The following SLC14A2 variants were observed in gnomAD, a reference collection of about 807,000 sequenced individuals.
SLC14A2 encodes solute carrier family 14 member 2, also known as urea transporter 2.
SLC14A2 carries 91 observed loss-of-function variants against 104.6 expected under a neutral mutation model. That is an observed-to-expected ratio of 0.87 (90% CI 0.73 to 1.04). SLC14A2 has a LOEUF of 1.04. SLC14A2 is among the 50% of genes least tolerant of loss of function. The pLI, the probability that SLC14A2 is intolerant of heterozygous loss-of-function variation, is 0.00. For synonymous variants in SLC14A2, 476 were observed against 466.4 expected (o/e 1.02, Z -0.27); for missense variants, 1,189 against 1,156.0 (o/e 1.03, Z -0.41).
intron 1 of SLC14A2, among the ~76,000 whole-genome samples, chr18:45,373,716 G>A (rs2085745643): frequency 6.6e-6 from 1 of 152,194 alleles, no homozygotes; most frequent in Admixed American, 6.6e-5. Context: ...AGAGTATAGT[G>A]TAGTGGTTAA....
At chr18:45,242,087 G>A (rs571060745) in intron 1 of SLC14A2, among the ~76,000 whole-genome samples, 3 of 152,266 alleles carry the variant, frequency 2.0e-5, no homozygotes, top group South Asian at 4.2e-4. Flanking sequence ...AAAGCCAAAA[G>A]CAGCTGGCAT....
chr18:45,565,898 G>A (rs2044259539), intron 2 of SLC14A2, among the ~76,000 whole-genome samples: 1 of 152,182 alleles, frequency 6.6e-6, no homozygotes, highest in Non-Finnish European at 1.5e-5. Flanking sequence ...AAGTTGCCTT[G>A]CCCTTTTACG....
chr18:45,618,618 G>A (rs550681569), intron 1 of SLC14A2, among the ~76,000 whole-genome samples: 6 of 136,210 alleles, frequency 4.4e-5, no homozygotes, highest in Non-Finnish European at 6.1e-5. Context: ...GTAGTGAGCC[G>A]AGATTGCACC....
chr18:45,374,609 T>C (rs1568172407), intron 1 of SLC14A2, among the ~76,000 whole-genome samples: 1 of 151,214 alleles, frequency 6.6e-6, no homozygotes. Context: ...CCAAGTTTAC[T>C]GTGCTATTAG....
At chr18:45,649,853 C>A (rs1295386480) in intron 10 of SLC14A2, among the ~76,000 whole-genome samples, 1 of 152,204 alleles carries the variant, frequency 6.6e-6, no homozygotes, top group Non-Finnish European at 1.5e-5. Context: ...ATAACCTGTT[C>A]TTTCTTTCTA....
chr18:45,434,626 G>C (rs1033669212), intron 1 of SLC14A2, among the ~76,000 whole-genome samples: 2 of 152,158 alleles, frequency 1.3e-5, no homozygotes, highest in Non-Finnish European at 2.9e-5. Context: ...ATTGTTAGCA[G>C]GTTTACTAAC....
the SLC14A2 span, among the ~76,000 whole-genome samples, chr18:45,169,974 A>G: frequency 5.3e-5 from 8 of 152,218 alleles, no homozygotes; most frequent in African/African-American, 1.9e-4. Flanking sequence ...AGAGGGCTAC[A>G]ACCAAAATGC....
At chr18:45,663,316 C>T (rs1192128477) in intron 10 of SLC14A2, among the ~76,000 whole-genome samples, 1 of 152,212 alleles carries the variant, frequency 6.6e-6, no homozygotes, top group Non-Finnish European at 1.5e-5. Flanking sequence ...TTGGAGCCAT[C>T]TTTTAAATAC....
At chr18:45,271,430 A>G (rs1227184820) in intron 1 of SLC14A2, among the ~76,000 whole-genome samples, 2 of 152,180 alleles carry the variant, frequency 1.3e-5, no homozygotes, top group African/African-American at 2.4e-5. Flanking sequence ...ATTAACTGTA[A>G]TTCATGACAT....
chr18:45,484,710 G>C (rs2087565399), intron 2 of SLC14A2, among the ~76,000 whole-genome samples: 1 of 152,080 alleles, frequency 6.6e-6, no homozygotes, highest in Non-Finnish European at 1.5e-5. Context: ...CAAGATACTA[G>C]CTTTCAAACT....
chr18:45,576,119 TAACA>T (rs2044415319), intron 2 of SLC14A2, among the ~76,000 whole-genome samples: 1 of 152,178 alleles, frequency 6.6e-6, no homozygotes, highest in Admixed American at 6.5e-5. Context: ...CTTATGACTG[TAACA>T]AACTGTCCCA....
chr18:45,544,583 A>G lies in SLC14A2; in HGVS notation c.-35+61261A>G, dbSNP rs1025868768. Among the ~76,000 whole-genome samples the G allele has an allele frequency of 2.6e-5, 4 of 152,256 alleles. No individual in the cohort carries two copies. In the South Asian group the frequency reaches 6.2e-4, roughly 24 times the overall value. On this transcript the variant is annotated intron_variant, in intron 2 of 20. Transcript: ENST00000586448. Reference sequence around the variant, plus strand: ...TTTAGAAAATACAAAGAAGCCAAAGAAAAAAACAATTAAAATCACCCATGA... The same window carrying G: ...TTTAGAAAATACAAAGAAGCCAAAGGAAAAAACAATTAAAATCACCCATGA...
chr18:45,517,591 G>A (rs573413362), intron 2 of SLC14A2, among the ~76,000 whole-genome samples: 137 of 152,314 alleles, frequency 9.0e-4, no homozygotes, highest in African/African-American at 3.2e-3. Context: ...CCAGCTTGCC[G>A]AATTTGCTTC....
At chr18:45,407,300 C>A (rs1359960601) in intron 1 of SLC14A2, among the ~76,000 whole-genome samples, 1 of 152,180 alleles carries the variant, frequency 6.6e-6, no homozygotes, top group Admixed American at 6.5e-5. Context: ...CATGACCTAA[C>A]CTCTTCTAGC....
At chr18:45,264,015 C>T (rs1227262571) in intron 1 of SLC14A2, among the ~76,000 whole-genome samples, 2 of 152,160 alleles carry the variant, frequency 1.3e-5, no homozygotes, top group Non-Finnish European at 1.5e-5. Context: ...AAAATATATA[C>T]TAATGGCTAT....
At position 45,410,511 on chromosome 18, in the gene SLC14A2, A is replaced by G. The variant is rs185683165; in HGVS notation, c.-124-72722A>G. 3.9e-5 allele frequency among the ~76,000 whole-genome samples: 6 copies of G among 152,246 alleles called. No individual in the cohort carries two copies. In the East Asian group the frequency reaches 1.2e-3, roughly 29 times the overall value. On this transcript the variant is annotated intron_variant, in intron 1 of 20. Transcript: ENST00000586448. ...TCTTAAAATGTTTTATTTTTCTACT[A>G]TATTGAATAACAAATCTTATTTATG...
intron 1 of SLC14A2, among the ~76,000 whole-genome samples, chr18:45,301,416 G>A (rs1366361584): frequency 2.0e-5 from 3 of 152,372 alleles, no homozygotes; most frequent in African/African-American, 7.2e-5. Flanking sequence ...AGAGGCAGCA[G>A]AAGTAGTCCG....
At chr18:45,395,064 G>C (rs1022245273) in intron 1 of SLC14A2, among the ~76,000 whole-genome samples, 1 of 152,124 alleles carries the variant, frequency 6.6e-6, no homozygotes, top group African/African-American at 2.4e-5. Context: ...TCAGGATCTT[G>C]AAAATATATT....
chr18:45,599,055 G>A (rs1485541308), intron 2 of SLC14A2, among the ~76,000 whole-genome samples: 1 of 152,164 alleles, frequency 6.6e-6, no homozygotes, highest in African/African-American at 2.4e-5. Context: ...AGATACCAAT[G>A]TGAAAATGAC....
Sources: gnomAD v4.1 joint callset for allele counts (sites outside exome capture counted in the v4.1 genomes callset) on GRCh38, gnomAD v4.1.1 for gene constraint, MANE v1.5 for transcripts, NCBI Gene and HGNC (gene_info 2026-07-23, HGNC 2026-07-21) for gene names.